The following CTNND2 variants were observed in gnomAD, a reference collection of about 807,000 sequenced individuals.
CTNND2 encodes the protein catenin delta-2.
CTNND2 carries 22 observed loss-of-function variants against 144.4 expected under a neutral mutation model. The ratio of observed to expected loss-of-function variants is 0.15; its 90% confidence interval spans 0.11 to 0.22. The LOEUF is 0.22. Among genes scored for constraint, CTNND2 ranks in the 10% least tolerant of loss-of-function variants. The pLI is 1.00. For missense variants in CTNND2, 1,353 were observed against 1,618.8 expected, an observed-to-expected ratio of 0.84 and a Z score of 2.82; for synonymous variants, 751 against 695.6, an observed-to-expected ratio of 1.08 and a Z score of -1.25.
At chr5:11,830,292 T>G (rs1012839668) in intron 1 of CTNND2, among the ~76,000 whole-genome samples, 2 of 152,154 alleles carry the variant, frequency 1.3e-5, no homozygotes, top group African/African-American at 4.8e-5. Flanking sequence ...ACATGAGATT[T>G]GGGAGGGGCC....
At chr5:11,491,853 T>C (rs1231648613) in intron 3 of CTNND2, among the ~76,000 whole-genome samples, 2 of 152,208 alleles carry the variant, frequency 1.3e-5, no homozygotes, top group African/African-American at 4.8e-5. Context: ...ATCCAGTGAC[T>C]CAGCAACTAC....
chr5:11,168,601 T>C (rs1267553702), intron 11 of CTNND2, among the ~76,000 whole-genome samples: 2 of 152,216 alleles, frequency 1.3e-5, no homozygotes, highest in Non-Finnish European at 2.9e-5. Flanking sequence ...GGCTGAGTTG[T>C]ATAATCTCTG....
chr5:11,554,392 T>C (rs1471995984), intron 3 of CTNND2, among the ~76,000 whole-genome samples: 1 of 152,158 alleles, frequency 6.6e-6, no homozygotes, highest in Non-Finnish European at 1.5e-5. Context: ...AGATACTGTG[T>C]TAGACAGAAG....
intron 9 of CTNND2, among the ~76,000 whole-genome samples, chr5:11,327,980 A>T (rs941344759): frequency 6.6e-6 from 1 of 152,208 alleles, no homozygotes; most frequent in African/African-American, 2.4e-5. Context: ...GAAAAATTCA[A>T]GATGTGGTAG....
Position 11,832,685 on chromosome 5 carries a change from A to G in CTNND2, c.37+71132T>C, listed in dbSNP as rs111907458. 3.3e-3 allele frequency among the ~76,000 whole-genome samples: 500 copies of G among 152,364 alleles called. 2 individuals are homozygous for G. The highest frequency in any genetic ancestry group is 5.2e-3 in the South Asian group (25 of 4,824). On this transcript the variant is annotated intron_variant, in intron 1 of 21. Coordinates refer to ENST00000304623, the MANE Select transcript of CTNND2 (RefSeq NM_001332.4). ...GCTGGACGTGGTATTTCATGCCTGT[A>G]ATCCCAGCACTTTGAGAGGCCAAGG...
intron 1 of CTNND2, among the ~76,000 whole-genome samples, chr5:11,803,868 C>T (rs1188939043): frequency 1.3e-5 from 2 of 150,064 alleles, no homozygotes; most frequent in Non-Finnish European, 3.0e-5. Context: ...TTTTTTTTTT[C>T]CACTCATTTT....
intron 5 of CTNND2, among the ~76,000 whole-genome samples, chr5:11,410,789 AT>A (rs531026134): frequency 7.9e-5 from 12 of 151,490 alleles, no homozygotes; most frequent in South Asian, 2.1e-4. Context: ...AGAGTACACC[AT>A]TTTTTTTCCT....
chr5:11,872,606 G>C (rs1052923545), intron 1 of CTNND2, among the ~76,000 whole-genome samples: 2 of 152,094 alleles, frequency 1.3e-5, no homozygotes, highest in Non-Finnish European at 2.9e-5. Context: ...TGTCATTATG[G>C]TTTTGATTTG....
At chr5:11,567,176 G>A (rs1162852431) in intron 2 of CTNND2, among the ~76,000 whole-genome samples, 2 of 150,782 alleles carry the variant, frequency 1.3e-5, no homozygotes, top group Non-Finnish European at 3.0e-5. Context: ...TTTTTTAATT[G>A]AGATGGAGTC....
At chr5:11,319,707 G>C (rs937197711) in intron 9 of CTNND2, among the ~76,000 whole-genome samples, 34 of 152,094 alleles carry the variant, frequency 2.2e-4, no homozygotes, top group African/African-American at 8.0e-4. Flanking sequence ...TTTTAGTAGA[G>C]ACAGGGTTTC....
At chr5:11,822,582 T>C (rs920255451) in intron 1 of CTNND2, among the ~76,000 whole-genome samples, 2 of 152,012 alleles carry the variant, frequency 1.3e-5, no homozygotes, top group East Asian at 3.9e-4. Flanking sequence ...GTTGATGGGA[T>C]TATCATTACC....
intron 3 of CTNND2, among the ~76,000 whole-genome samples, chr5:11,526,424 C>T (rs1291820086): frequency 2.6e-5 from 4 of 152,100 alleles, no homozygotes; most frequent in Admixed American, 6.5e-5. Context: ...CGGAACCTAT[C>T]GATGACGTTA....
intron 1 of CTNND2, among the ~76,000 whole-genome samples, chr5:11,842,050 C>T (rs868407158): frequency 6.6e-6 from 1 of 152,062 alleles, no homozygotes; most frequent in Middle Eastern, 3.4e-3. Flanking sequence ...TCCACACTGG[C>T]TGATCTTGTA....
chr5:11,381,827 C>T (rs1758513205), intron 7 of CTNND2, among the ~76,000 whole-genome samples: 4 of 152,210 alleles, frequency 2.6e-5, no homozygotes, highest in East Asian at 1.9e-4. Flanking sequence ...ATTAGCCAGG[C>T]GTGGTGGCGG....
At chr5:11,333,069 C>T (rs75148797) in intron 9 of CTNND2, among the ~76,000 whole-genome samples, 1 of 152,178 alleles carries the variant, frequency 6.6e-6, no homozygotes, top group Non-Finnish European at 1.5e-5. Context: ...TGGACTAATA[C>T]ATATTCATCC....
chr5:11,288,507 C>G (rs922423993), intron 9 of CTNND2, among the ~76,000 whole-genome samples: 1 of 152,136 alleles, frequency 6.6e-6, no homozygotes, highest in Non-Finnish European at 1.5e-5. Context: ...GTATCAGACA[C>G]TAACTGTATC....
chr5:11,138,029 G>A (rs1250392331), intron 12 of CTNND2, among the ~76,000 whole-genome samples: 1 of 152,206 alleles, frequency 6.6e-6, no homozygotes, highest in African/African-American at 2.4e-5. Flanking sequence ...GGGAAAATCT[G>A]TTTCCTTGCT....
chr5:11,762,343 G>T (rs1227491585), intron 1 of CTNND2, among the ~76,000 whole-genome samples: 1 of 152,108 alleles, frequency 6.6e-6, no homozygotes, highest in Non-Finnish European at 1.5e-5. Context: ...TAATAGAGCA[G>T]AGAATAGAAA....
chr5:11,357,581 G>A (rs145374863), intron 8 of CTNND2, among the ~76,000 whole-genome samples: 97 of 152,152 alleles, frequency 6.4e-4, no homozygotes, highest in African/African-American at 2.2e-3. Flanking sequence ...ACAAAGTTAC[G>A]ATGAGATAGG....
Sources: gnomAD v4.1 joint callset for allele counts (sites outside exome capture counted in the v4.1 genomes callset) on GRCh38, gnomAD v4.1.1 for gene constraint, MANE v1.5 for transcripts, NCBI Gene and HGNC (gene_info 2026-07-23, HGNC 2026-07-21) for gene names.